CHODL: variants seen among roughly 807,000 people sequenced by gnomAD.
The protein encoded by CHODL is transmembrane protein MT75.
A neutral mutation model predicts 34.5 loss-of-function variants in CHODL; 29 were observed. That is an observed-to-expected ratio of 0.84 (90% CI 0.63 to 1.15). The LOEUF (loss-of-function observed/expected upper bound fraction) is 1.15, where lower values mean the gene tolerates loss of function less well. CHODL is among the 50% of genes most tolerant of loss of function. The probability of loss-of-function intolerance (pLI) is 0.00; values close to 1 mark genes in which losing one functional copy is unlikely to be tolerated. For missense variants in CHODL, 332 were observed against 332.5 expected (o/e 1.00, Z 0.01); for synonymous variants, 125 against 116.1 (o/e 1.08, Z -0.49).
chr21:18,176,465 A>G (rs1394960089), intron 2 of CHODL, among the ~76,000 whole-genome samples: 1 of 152,210 alleles, frequency 6.6e-6, no homozygotes, highest in Non-Finnish European at 1.5e-5. Context: ...ATGAACACAT[A>G]TAAATGAACT....
At chr21:18,169,324 T>G (rs907961488) in intron 2 of CHODL, among the ~76,000 whole-genome samples, 1 of 152,106 alleles carries the variant, frequency 6.6e-6, no homozygotes, top group South Asian at 2.1e-4. Context: ...TCTTTAATTC[T>G]CCTTATTTTT....
chr21:18,016,742 G>C (rs1313532409), intron 1 of CHODL, among the ~76,000 whole-genome samples: 1 of 152,218 alleles, frequency 6.6e-6, no homozygotes, highest in Non-Finnish European at 1.5e-5. Flanking sequence ...AAAGCTGCAG[G>C]TACTCTATGC....
chr21:18,186,086 A>T (rs1386511656), intron 2 of CHODL, among the ~76,000 whole-genome samples: 1 of 152,104 alleles, frequency 6.6e-6, no homozygotes, highest in Non-Finnish European at 1.5e-5. Flanking sequence ...TTTGTAACTA[A>T]AGGTTGACAC....
chr21:17,963,097 C>T (rs2063545531), intron 1 of CHODL, among the ~76,000 whole-genome samples: 1 of 151,576 alleles, frequency 6.6e-6, no homozygotes, highest in South Asian at 2.1e-4. Flanking sequence ...ATAATAATAA[C>T]TTCCTTCATG....
At chr21:18,154,175 G>A (rs1053790046) in intron 2 of CHODL, among the ~76,000 whole-genome samples, 1 of 152,148 alleles carries the variant, frequency 6.6e-6, no homozygotes, top group Non-Finnish European at 1.5e-5. Context: ...TATGTAAAAA[G>A]GCTTATGTAT....
intron 2 of CHODL, among the ~76,000 whole-genome samples, chr21:18,223,818 C>G (rs1432726780): frequency 6.6e-6 from 1 of 152,002 alleles, no homozygotes; most frequent in East Asian, 1.9e-4. Flanking sequence ...CCAACGTTGA[C>G]TAATACAAGA....
intron 2 of CHODL, among the ~76,000 whole-genome samples, chr21:18,165,542 C>A (rs2073141902): frequency 6.6e-6 from 1 of 152,196 alleles, no homozygotes; most frequent in African/African-American, 2.4e-5. Context: ...CTCTGCTCTG[C>A]TCAGGGCAGC....
intron 5 of CHODL, among the ~76,000 whole-genome samples, chr21:18,265,057 G>C (rs756230526): frequency 6.6e-6 from 1 of 151,776 alleles, no homozygotes; most frequent in Non-Finnish European, 1.5e-5. Flanking sequence ...AGAAAATAAA[G>C]GTATTTATTG....
chr21:18,099,890 A>T (rs916857431), intron 2 of CHODL: 1 of 152,128 alleles, frequency 6.6e-6, no homozygotes, highest in Admixed American at 6.6e-5. Context: ...TGAAGCCCCC[A>T]GACAATTTCA....
At chr21:18,094,089 C>T (rs285950) in intron 2 of CHODL, among the ~76,000 whole-genome samples, 60,549 of 151,908 alleles carry the variant, frequency 0.4, 13,406 homozygotes, top group Non-Finnish European at 0.51. Flanking sequence ...TCAGACAAAA[C>T]AGATTTCAAG....
At chr21:18,245,963 G>T (rs554291404) in intron 1 of CHODL, 23 of 1,532,562 alleles carry the variant, frequency 1.5e-5, no homozygotes, top group Non-Finnish European at 1.9e-5. Flanking sequence ...TGCAGGTTCG[G>T]CACACAGTAG....
intron 2 of CHODL, among the ~76,000 whole-genome samples, chr21:18,097,258 A>T (rs941512590): frequency 6.6e-6 from 1 of 152,154 alleles, no homozygotes; most frequent in East Asian, 1.9e-4. Flanking sequence ...AGGGCACTCA[A>T]ATTGAAAAGG....
intron 2 of CHODL, among the ~76,000 whole-genome samples, chr21:18,231,887 G>T (rs548235600): frequency 2.0e-5 from 3 of 151,940 alleles, no homozygotes; most frequent in East Asian, 3.9e-4. Context: ...GGTAGTTACC[G>T]CTGGAGAAAC....
intron 2 of CHODL, among the ~76,000 whole-genome samples, chr21:18,162,101 C>T (rs898720303): frequency 1.3e-5 from 2 of 152,148 alleles, no homozygotes; most frequent in Admixed American, 1.3e-4. Flanking sequence ...CCTGTATGTA[C>T]CCAAAGATAG....
chr21:18,054,638 G>A (rs1384885322), intron 2 of CHODL, among the ~76,000 whole-genome samples: 3 of 151,922 alleles, frequency 2.0e-5, no homozygotes, highest in East Asian at 1.9e-4. Flanking sequence ...TGGTCAAAGG[G>A]TATGAAGTTT....
intron 2 of CHODL, among the ~76,000 whole-genome samples, chr21:18,238,451 C>A (rs2074050185): frequency 6.6e-6 from 1 of 152,092 alleles, no homozygotes; most frequent in Non-Finnish European, 1.5e-5. Flanking sequence ...TCATTCACTA[C>A]CTTGAGGACA....
chr21:18,122,771 C>A (rs755320466), intron 2 of CHODL, among the ~76,000 whole-genome samples: 3 of 152,184 alleles, frequency 2.0e-5, no homozygotes, highest in Non-Finnish European at 4.4e-5. Context: ...CAAATAAATC[C>A]TGTAATCTTG....
intron 3 of CHODL, among the ~76,000 whole-genome samples, chr21:18,257,941 A>AT (rs761967349): frequency 1.6e-4 from 25 of 152,012 alleles, no homozygotes; most frequent in Non-Finnish European, 2.9e-4. Flanking sequence ...AGGCTTTGAG[A>AT]TTTTTTTTGC....
intron 2 of CHODL, among the ~76,000 whole-genome samples, chr21:18,070,845 T>A (rs2064795005): frequency 6.6e-6 from 1 of 151,998 alleles, no homozygotes; most frequent in Non-Finnish European, 1.5e-5. Context: ...TCTAAGTAAC[T>A]ATGGAAACTT....
Sources: allele counts gnomAD v4.1 joint callset (sites outside exome capture counted in the v4.1 genomes callset), GRCh38; gene constraint gnomAD v4.1.1; transcripts MANE v1.5; gene names NCBI Gene and HGNC (gene_info 2026-07-23, HGNC 2026-07-21).